Variants in SLC25A21 observed in about 807,000 individuals in gnomAD.
SLC25A21 encodes solute carrier family 25 member 21, also known as mitochondrial 2-oxodicarboxylate carrier.
A neutral mutation model predicts 43.8 loss-of-function variants in SLC25A21; 47 were observed. The ratio of observed to expected loss-of-function variants is 1.07; its 90% confidence interval spans 0.85 to 1.37. The LOEUF is 1.37. SLC25A21 is among the 40% of genes most tolerant of loss of function. The pLI is 0.00. For missense variants in SLC25A21, 352 were observed against 350.2 expected (o/e 1.00, Z -0.04); for synonymous variants, 131 against 121.3 (o/e 1.08, Z -0.52).
At chr14:36,709,856 T>C (rs1883757502) in intron 7 of SLC25A21, among the ~76,000 whole-genome samples, 1 of 151,682 alleles carries the variant, frequency 6.6e-6, no homozygotes, top group South Asian at 2.1e-4. Flanking sequence ...CTAAGAAAAA[T>C]GAAGAACTGG....
intron 1 of SLC25A21, among the ~76,000 whole-genome samples, chr14:36,954,686 C>A (rs1959287466): frequency 6.6e-6 from 1 of 151,898 alleles, no homozygotes; most frequent in African/African-American, 2.4e-5. Context: ...GTATTGTCAC[C>A]ACACAAAAAA....
At chr14:36,961,102 G>A (rs1387142483) in intron 1 of SLC25A21, among the ~76,000 whole-genome samples, 1 of 142,584 alleles carries the variant, frequency 7.0e-6, no homozygotes, top group Non-Finnish European at 1.6e-5. Context: ...ACCCACACCT[G>A]GATACCACAA....
At chr14:37,009,646 G>A (rs984278197) in intron 1 of SLC25A21, among the ~76,000 whole-genome samples, 3 of 152,166 alleles carry the variant, frequency 2.0e-5, no homozygotes, top group African/African-American at 7.2e-5. Context: ...GTGTTTAAAT[G>A]AAAAGAAAAT....
At chr14:36,954,539 T>C (rs1959282978) in intron 1 of SLC25A21, among the ~76,000 whole-genome samples, 3 of 151,782 alleles carry the variant, frequency 2.0e-5, no homozygotes, top group African/African-American at 7.3e-5. Context: ...ATATTTTTAA[T>C]TGACACATAA....
chr14:36,865,965 A>C (rs951139027), intron 2 of SLC25A21, among the ~76,000 whole-genome samples: 2 of 152,140 alleles, frequency 1.3e-5, no homozygotes, highest in Admixed American at 1.3e-4. Context: ...TTAAGTCCTG[A>C]TGGGGGGTGA....
At chr14:36,790,912 T>C (rs535222876) in intron 3 of SLC25A21, among the ~76,000 whole-genome samples, 2 of 152,128 alleles carry the variant, frequency 1.3e-5, no homozygotes, top group South Asian at 2.1e-4. Context: ...AGTATTTCAG[T>C]AATAAGAGGA....
intron 1 of SLC25A21, among the ~76,000 whole-genome samples, chr14:36,875,669 A>T (rs949407154): frequency 6.6e-6 from 1 of 152,200 alleles, no homozygotes; most frequent in African/African-American, 2.4e-5. Flanking sequence ...ATTGAAGCAT[A>T]TAAGTTAAAT....
At chr14:36,781,202 TATTGTGTCCTTAAAGCTAA>T (rs1800584147) in intron 3 of SLC25A21, among the ~76,000 whole-genome samples, 1 of 152,176 alleles carries the variant, frequency 6.6e-6, no homozygotes, top group Non-Finnish European at 1.5e-5. Context: ...ACTTTCAGCT[TATTGTGTCCTTAAAGCTAA>T]AGTGAATTTC....
intron 1 of SLC25A21, among the ~76,000 whole-genome samples, chr14:37,055,518 T>G (rs1455496570): frequency 6.6e-6 from 1 of 152,194 alleles, no homozygotes; most frequent in African/African-American, 2.4e-5. Flanking sequence ...GAACTTCTTA[T>G]GACTTGGGAG....
chr14:36,867,735 A>G (rs1890252135), intron 2 of SLC25A21, among the ~76,000 whole-genome samples: 1 of 151,138 alleles, frequency 6.6e-6, no homozygotes, highest in Non-Finnish European at 1.5e-5. Flanking sequence ...TGTAGACTCC[A>G]TTTGTCTTTG....
At chr14:37,090,858 T>C (rs576221212) in intron 1 of SLC25A21, among the ~76,000 whole-genome samples, 1 of 152,316 alleles carries the variant, frequency 6.6e-6, no homozygotes, top group Non-Finnish European at 1.5e-5. Context: ...GCACTAGTTA[T>C]GTCCAATAAA....
intron 1 of SLC25A21, among the ~76,000 whole-genome samples, chr14:37,106,166 G>GA (rs999576325): frequency 5.3e-5 from 8 of 151,502 alleles, no homozygotes; most frequent in African/African-American, 9.7e-5. Context: ...AGTGCACCTT[G>GA]AAAAAAAACA....
intron 1 of SLC25A21, among the ~76,000 whole-genome samples, chr14:36,966,504 T>C (rs1280211587): frequency 6.6e-6 from 1 of 152,146 alleles, no homozygotes; most frequent in East Asian, 1.9e-4. Context: ...AAAGTCCCAT[T>C]TGATCAGGAA....
intron 1 of SLC25A21, among the ~76,000 whole-genome samples, chr14:36,889,654 T>A (rs1891023253): frequency 6.6e-6 from 1 of 151,634 alleles, no homozygotes. Flanking sequence ...GCTCAGCTAT[T>A]TTTTAATTTT....
intron 1 of SLC25A21, among the ~76,000 whole-genome samples, chr14:37,129,115 G>C (rs1963349440): frequency 6.6e-6 from 1 of 152,148 alleles, no homozygotes; most frequent in Non-Finnish European, 1.5e-5. Flanking sequence ...AATGCAGAAA[G>C]GTGTGCCGGA....
intron 2 of SLC25A21, among the ~76,000 whole-genome samples, chr14:36,834,546 T>C (rs1594627294): frequency 1.3e-5 from 2 of 152,342 alleles, no homozygotes; most frequent in South Asian, 4.1e-4. Flanking sequence ...TCAGTAAATA[T>C]TGGCTTCCTT....
intron 1 of SLC25A21, among the ~76,000 whole-genome samples, chr14:37,016,260 T>A (rs1209192590): frequency 6.6e-6 from 1 of 152,198 alleles, no homozygotes; most frequent in East Asian, 1.9e-4. Context: ...TTTCTACATA[T>A]GGCTAGCCAG....
intron 2 of SLC25A21, among the ~76,000 whole-genome samples, chr14:36,853,122 C>A (rs1049818409): frequency 6.6e-6 from 1 of 152,106 alleles, no homozygotes; most frequent in Admixed American, 6.5e-5. Flanking sequence ...AAAACAACAA[C>A]TGTTCAAGGG....
chr14:37,059,949 C>T (rs1229103329), intron 1 of SLC25A21, among the ~76,000 whole-genome samples: 1 of 152,070 alleles, frequency 6.6e-6, no homozygotes, highest in Non-Finnish European at 1.5e-5. Flanking sequence ...AGGCAGCAAG[C>T]TAACAAGAAT....
Sources: gnomAD v4.1 joint callset for allele counts (sites outside exome capture counted in the v4.1 genomes callset) on GRCh38, gnomAD v4.1.1 for gene constraint, MANE v1.5 for transcripts, NCBI Gene and HGNC (gene_info 2026-07-23, HGNC 2026-07-21) for gene names.